RFTN1: variants seen among roughly 807,000 people sequenced by gnomAD.
RFTN1 encodes the protein raftlin, lipid raft linker 1, also known as raftlin.
A neutral mutation model predicts 46.5 loss-of-function variants in RFTN1; 26 were observed. The observed-to-expected ratio is 0.56, with a 90% CI of 0.41 to 0.78. RFTN1 has a LOEUF of 0.78. RFTN1 is among the 30% of genes least tolerant of loss of function. The probability of loss-of-function intolerance (pLI) is 0.00; values close to 1 mark genes in which losing one functional copy is unlikely to be tolerated. For missense variants in RFTN1, 693 were observed against 718.7 expected (o/e 0.96, Z 0.41); for synonymous variants, 261 against 284.2 (o/e 0.92, Z 0.82).
At position 16,446,003 on chromosome 3, in the gene RFTN1, G is replaced by A. The variant is rs946205796; in HGVS notation, c.146-11966C>T. On this transcript the variant is annotated intron_variant, in intron 2 of 9. Coordinates refer to ENST00000334133, the MANE Select transcript of RFTN1 (RefSeq NM_015150.2). The surrounding 1 kb of genome is among the most constrained non-coding windows in gnomAD (Gnocchi z 4.5). Reference sequence around the variant, plus strand: ...TGCTGGGTTTATTTGCCAACAAGGTGGCCAAACCAAGAGTGCCTGGAGAAG... The same window carrying A: ...TGCTGGGTTTATTTGCCAACAAGGTAGCCAAACCAAGAGTGCCTGGAGAAG... Among the ~76,000 whole-genome samples, 1 of 151,460 alleles carries A rather than the reference G, an allele frequency of 6.6e-6. No homozygotes were observed. Among genetic ancestry groups the A allele is most frequent in the Non-Finnish European group, 1.5e-5 (1 of 67,940 alleles).
intron 6 of RFTN1, among the ~76,000 whole-genome samples, chr3:16,369,765 A>G (rs910008865): frequency 3.3e-5 from 5 of 152,330 alleles, no homozygotes; most frequent in Admixed American, 3.3e-4. Flanking sequence ...TAATTAACAA[A>G]TCCAGGGAAC....
chr3:16,420,878 C>A (rs1205617752), intron 3 of RFTN1, among the ~76,000 whole-genome samples: 1 of 152,218 alleles, frequency 6.6e-6, no homozygotes, highest in Non-Finnish European at 1.5e-5. Flanking sequence ...TCTGATTCGA[C>A]AGGTCTGGGT....
chr3:16,464,466 A>T (rs759035425), intron 2 of RFTN1, among the ~76,000 whole-genome samples: 6 of 152,130 alleles, frequency 3.9e-5, no homozygotes, highest in Admixed American at 6.5e-5. Flanking sequence ...TCTTCTTGGG[A>T]TCATTAGTTT....
rs773514487 is a variant in RFTN1, at chr3:16,370,160, C to A, written c.946G>T (p.Ala316Ser). ...TCGCTCATGTGCTCTAACCAGTTGG[C>A]GTCCAAACCGCTCACTGTCTGGCCA... ...KNGQTVSGLD[A>S]NWLEHMSDHF... Residue 316 changes from alanine to serine, a missense_variant, in exon 6 of 10, where the codon GCC becomes TCC. Physicochemically the swap from Ala to Ser is moderately conservative, Grantham distance 99. Coordinates refer to ENST00000334133, the MANE Select transcript of RFTN1 (RefSeq NM_015150.2). The surrounding 1 kb of genome is among the most constrained non-coding windows in gnomAD (Gnocchi z 5.5). 6.2e-7 allele frequency: 1 copy of A among 1,614,202 alleles called. No individual in the cohort carries two copies. Among genetic ancestry groups the A allele is most frequent in the Non-Finnish European group, 8.5e-7 (1 of 1,180,040 alleles).
intron 4 of RFTN1, among the ~76,000 whole-genome samples, chr3:16,397,103 C>G (rs62236303): frequency 0.041 from 6,124 of 148,860 alleles, 182 homozygotes; most frequent in Middle Eastern, 0.07. Flanking sequence ...GAGAAGAAAA[C>G]CTGTCAACAG....
chr3:16,437,738 G>A (rs2075544638), intron 2 of RFTN1, among the ~76,000 whole-genome samples: 1 of 151,982 alleles, frequency 6.6e-6, no homozygotes, highest in South Asian at 2.1e-4. Context: ...GCACAATACT[G>A]TCACTGATCT....
intron 4 of RFTN1, among the ~76,000 whole-genome samples, chr3:16,399,841 G>A (rs574007207): frequency 2.0e-5 from 3 of 152,108 alleles, no homozygotes; most frequent in East Asian, 1.9e-4. Context: ...CCCTCTCCAC[G>A]GTGCCTCGTT....
rs1043059253 is a variant in RFTN1 at position 16,341,421 on chromosome 3, T to A, written c.1147-14545A>T. Among the ~76,000 whole-genome samples, 3 of 152,200 alleles carry A rather than the reference T, an allele frequency of 2.0e-5. No individual in the cohort carries two copies. Among genetic ancestry groups the A allele is most frequent in the African/African-American group, 7.2e-5 (3 of 41,448 alleles). On this transcript the variant is annotated intron_variant, in intron 7 of 9. Transcript: ENST00000334133. The surrounding 1 kb of genome is among the most constrained non-coding windows in gnomAD (Gnocchi z 4.7). ...AGCAACCAAGATGCCCTTCAGTAAC[T>A]GACAGAGAAACTGCAGTGGAACCAT...
At chr3:16,318,078 G>A (rs1383498095) in intron 9 of RFTN1, among the ~76,000 whole-genome samples, 2 of 152,126 alleles carry the variant, frequency 1.3e-5, no homozygotes, top group Non-Finnish European at 2.9e-5. Flanking sequence ...GGGAAGTCAG[G>A]GGCTCAGAGT....
chr3:16,457,141 A>T lies in RFTN1; in HGVS notation c.146-23104T>A, dbSNP rs2075922215. On this transcript the variant is annotated intron_variant, in intron 2 of 9. Transcript: ENST00000334133. This position sits in a 1 kb window ranked among gnomAD's most constrained non-coding sequence, Gnocchi z 4.2. ...TTTGTTTTACAGCCTCTGCAAGTAC[A>T]GATGACTAACTGCTTCTACGCAGAG... 6.6e-6 allele frequency among the ~76,000 whole-genome samples: 1 copy of T among 152,262 alleles called. No homozygotes were observed. Among genetic ancestry groups the T allele is most frequent in the South Asian group, 2.1e-4 (1 of 4,834 alleles).
Position 16,345,817 on chromosome 3 carries a change from TGCGCGCGC to T in RFTN1, c.1146+12107_1146+12114del, listed in dbSNP as rs1553726165. On this transcript the variant is annotated intron_variant, in intron 7 of 9. Coordinates refer to ENST00000334133, the MANE Select transcript of RFTN1 (RefSeq NM_015150.2). The surrounding 1 kb of genome is among the most constrained non-coding windows in gnomAD (Gnocchi z 5.2). ...GTGTGTGTGTGTGTGTGTGTGTGTG[TGCGCGCGC>T]GCGTGCGCGCACGCGCACATGTGCA... Among the ~76,000 whole-genome samples the T allele has an allele frequency of 0.017, 1,261 of 74,512 alleles. 13 individuals are homozygous for T. Among genetic ancestry groups the T allele is most frequent in the African/African-American group, 0.055 (993 of 18,104 alleles). 48.9% of individuals were successfully genotyped at this position (74,512 alleles called of 152,430 possible). A position where few individuals can be genotyped will look rare whatever the true frequency, so the allele number is the denominator to read the frequency against.
rs1327306373 is a variant in RFTN1, at chr3:16,447,241, AC to A, written c.146-13205del. Among the ~76,000 whole-genome samples, 10 of 152,254 alleles carry A rather than the reference AC, an allele frequency of 6.6e-5. No homozygotes were observed. The highest frequency in any genetic ancestry group is 2.4e-4 in the African/African-American group (10 of 41,470). ...ACAAATAATATTCCTCTGTCTTATGACATCACAAAAGATTCAACAAAACTCA... is the reference window on the plus strand; with the variant it reads ...ACAAATAATATTCCTCTGTCTTATGAATCACAAAAGATTCAACAAAACTCA... On this transcript the variant is annotated intron_variant, in intron 2 of 9. Transcript: ENST00000334133. The surrounding 1 kb of genome is among the most constrained non-coding windows in gnomAD (Gnocchi z 5.9).
rs534025074 is a variant in RFTN1 at position 16,429,651 on chromosome 3, C to T, written c.332+4200G>A. On this transcript the variant is annotated intron_variant, in intron 3 of 9. Coordinates refer to ENST00000334133, the MANE Select transcript of RFTN1 (RefSeq NM_015150.2). The surrounding 1 kb of genome is among the most constrained non-coding windows in gnomAD (Gnocchi z 6.4). The stretch of plus-strand genomic sequence containing the variant: ...ACCACATAGAGCTCCTAGCACAATA[C>T]TCTGAAAAGAGTACTCACTCAGCAA... Among the ~76,000 whole-genome samples the T allele has an allele frequency of 2.0e-3, 307 of 152,340 alleles. No homozygotes were observed. The highest frequency in any genetic ancestry group is 5.3e-3 in the African/African-American group (221 of 41,576).
At chr3:16,339,804 G>A (rs2071191012) in intron 7 of RFTN1, 1 of 152,166 alleles carries the variant, frequency 6.6e-6, no homozygotes, top group Admixed American at 6.5e-5. Context: ...ATGAATCCCA[G>A]GCACTTAAGG....
chr3:16,337,085 G>C lies in RFTN1; in HGVS notation c.1147-10209C>G, dbSNP rs2070928156. ...TCATCCTGAACCTAGGCCTCAAGGA[G>C]CCTTGCTGTTTCTGCTCACTCTCCA... is the stretch of plus-strand genomic sequence containing the variant. On this transcript the variant is annotated intron_variant, in intron 7 of 9. Transcript: ENST00000334133. This position sits in a 1 kb window ranked among gnomAD's most constrained non-coding sequence, Gnocchi z 5.0. 1 of 152,236 alleles carries C rather than the reference G, an allele frequency of 6.6e-6. No individual in the cohort carries two copies. Among genetic ancestry groups the C allele is most frequent in the East Asian group, 1.9e-4 (1 of 5,188 alleles). The allele number at this position is 152,236 out of a possible 1,614,324, so 9.4% of individuals were successfully genotyped here. A position where few individuals can be genotyped will look rare whatever the true frequency, so the allele number is the denominator to read the frequency against.
At position 16,407,059 on chromosome 3, in the gene RFTN1, C is replaced by T. The variant is rs1003074680; in HGVS notation, c.441+2316G>A. ...CATCTCCACTTGGGTACTACAGAAA[C>T]AACACCCCAGTAGCTCGCAAATCGG... On this transcript the variant is annotated intron_variant, in intron 4 of 9. Coordinates refer to ENST00000334133, the MANE Select transcript of RFTN1 (RefSeq NM_015150.2). This position sits in a 1 kb window ranked among gnomAD's most constrained non-coding sequence, Gnocchi z 4.0. Among the ~76,000 whole-genome samples, 1 of 152,218 alleles carries T rather than the reference C, an allele frequency of 6.6e-6. No homozygotes were observed. Among genetic ancestry groups the T allele is most frequent in the African/African-American group, 2.4e-5 (1 of 41,438 alleles).
chr3:16,326,929 G>A (rs62233922), intron 7 of RFTN1, 53 bp from the exon 8 acceptor site: 255,411 of 1,368,940 alleles, frequency 0.19, 25,212 homozygotes, highest in African/African-American at 0.39. Context: ...CCAACTCCCA[G>A]GCAATGAGAG....
chr3:16,478,671 G>C (rs1413532490), intron 2 of RFTN1, among the ~76,000 whole-genome samples: 1 of 152,230 alleles, frequency 6.6e-6, no homozygotes, highest in Non-Finnish European at 1.5e-5. Flanking sequence ...CAGGGCTGAA[G>C]TCATCTCAAG....
intron 3 of RFTN1, among the ~76,000 whole-genome samples, chr3:16,423,799 T>A (rs143895798): frequency 6.6e-6 from 1 of 152,192 alleles, no homozygotes; most frequent in East Asian, 1.9e-4. Flanking sequence ...ACTATAGCAA[T>A]ATATTACAAA....
Sources: gnomAD v4.1 joint callset for allele counts (sites outside exome capture counted in the v4.1 genomes callset) on GRCh38, gnomAD v4.1.1 for gene constraint, Gnocchi (gnomAD v3.1) non-coding constraint, MANE v1.5 for transcripts, NCBI Gene and HGNC (gene_info 2026-07-23, HGNC 2026-07-21) for gene names.